Variants in CDH13 observed in about 807,000 individuals in gnomAD.
The protein encoded by CDH13 is cadherin 13.
A neutral mutation model predicts 63.8 loss-of-function variants in CDH13; 24 were observed. The ratio of observed to expected loss-of-function variants is 0.38; its 90% confidence interval spans 0.27 to 0.53. CDH13 has a LOEUF of 0.53. Among genes scored for constraint, CDH13 ranks in the 20% least tolerant of loss-of-function variants. The pLI is 0.85. For synonymous variants in CDH13, 503 were observed against 355.3 expected (o/e 1.42, Z -4.67); for missense variants, 1,049 against 903.1 (o/e 1.16, Z -2.07).
intron 11 of CDH13, among the ~76,000 whole-genome samples, chr16:83,751,703 G>A (rs1913101022): frequency 6.6e-6 from 1 of 152,174 alleles, no homozygotes; most frequent in African/African-American, 2.4e-5. Flanking sequence ...GGACCAGAGG[G>A]GAAGAACCTA....
chr16:83,064,366 C>CA (rs1397491474), intron 3 of CDH13, among the ~76,000 whole-genome samples: 2 of 151,062 alleles, frequency 1.3e-5, no homozygotes, highest in East Asian at 1.9e-4. Context: ...GAGACTGTCT[C>CA]AAAAAAAAGA....
intron 13 of CDH13, among the ~76,000 whole-genome samples, chr16:83,790,603 C>G (rs556382523): frequency 6.6e-6 from 1 of 152,052 alleles, no homozygotes; most frequent in Non-Finnish European, 1.5e-5. Context: ...TGGGGTTTCA[C>G]CGTGTTAGCC....
chr16:83,504,148 G>T (rs74034228), intron 7 of CDH13, among the ~76,000 whole-genome samples: 279 of 152,266 alleles, frequency 1.8e-3, no homozygotes, highest in African/African-American at 6.3e-3. Context: ...AAAGATGCCC[G>T]TTCCTCTGAA....
At chr16:82,654,276 G>A (rs2150912744) in intron 1 of CDH13, among the ~76,000 whole-genome samples, 1 of 152,212 alleles carries the variant, frequency 6.6e-6, no homozygotes, top group Admixed American at 6.5e-5. Context: ...CTTACATGGT[G>A]GTCTTGGTTT....
intron 10 of CDH13, among the ~76,000 whole-genome samples, chr16:83,732,006 T>C (rs1338021424): frequency 1.3e-5 from 2 of 152,230 alleles, no homozygotes; most frequent in Non-Finnish European, 2.9e-5. Flanking sequence ...TCTTCATACA[T>C]CCAACCTAAA....
intron 6 of CDH13, among the ~76,000 whole-genome samples, chr16:83,445,542 G>A (rs12446118): frequency 0.18 from 26,721 of 151,988 alleles, 2,410 homozygotes; most frequent in Admixed American, 0.25. Flanking sequence ...CCACAGCTGC[G>A]TTAGTATTCC....
At chr16:83,197,271 G>GTA (rs71148817) in intron 4 of CDH13, among the ~76,000 whole-genome samples, 12,825 of 147,842 alleles carry the variant, frequency 0.087, 1,320 homozygotes, top group African/African-American at 0.26. Context: ...TGTATCATAG[G>GTA]TATATATATA....
intron 7 of CDH13, among the ~76,000 whole-genome samples, chr16:83,539,282 G>A (rs1391850811): frequency 2.6e-5 from 4 of 152,054 alleles, no homozygotes; most frequent in Non-Finnish European, 5.9e-5. Context: ...TCCCTCACAC[G>A]TGCAGTTCAC....
intron 3 of CDH13, among the ~76,000 whole-genome samples, chr16:83,056,802 C>G (rs1427346554): frequency 6.6e-6 from 1 of 151,818 alleles, no homozygotes; most frequent in Admixed American, 6.6e-5. Flanking sequence ...GTGAATAAGT[C>G]TCACGAGATT....
chr16:83,291,973 G>C (rs780657439), intron 5 of CDH13, among the ~76,000 whole-genome samples: 6 of 152,058 alleles, frequency 3.9e-5, no homozygotes, highest in African/African-American at 7.2e-5. Flanking sequence ...TGCTCCCAAT[G>C]GTCATGAGTT....
chr16:83,344,481 T>G (rs1042977108), intron 5 of CDH13, among the ~76,000 whole-genome samples: 11 of 152,254 alleles, frequency 7.2e-5, no homozygotes, highest in African/African-American at 2.2e-4. Context: ...GGTTCATAAC[T>G]GCTTAGTCAA....
intron 7 of CDH13, among the ~76,000 whole-genome samples, chr16:83,561,203 T>C (rs1337809096): frequency 1.3e-5 from 2 of 151,836 alleles, no homozygotes; most frequent in African/African-American, 4.8e-5. Flanking sequence ...TCCCAGCACT[T>C]TGGGAGGCTG....
intron 5 of CDH13, among the ~76,000 whole-genome samples, chr16:83,325,531 C>A (rs1452675335): frequency 6.6e-6 from 1 of 152,196 alleles, no homozygotes; most frequent in African/African-American, 2.4e-5. Flanking sequence ...TTCTGCTTTT[C>A]TAGCACGAGA....
intron 6 of CDH13, among the ~76,000 whole-genome samples, chr16:83,359,151 A>C (rs758009231): frequency 2.6e-5 from 4 of 152,144 alleles, no homozygotes; most frequent in African/African-American, 4.8e-5. Context: ...AGGGAGATCA[A>C]TGTATTCTGA....
chr16:83,784,249 A>C (rs953105393), intron 13 of CDH13, among the ~76,000 whole-genome samples: 2 of 152,204 alleles, frequency 1.3e-5, no homozygotes, highest in Non-Finnish European at 2.9e-5. Context: ...TCCTACTGAC[A>C]GTGGTGAGCT....
intron 1 of CDH13, among the ~76,000 whole-genome samples, chr16:82,783,194 C>T (rs1010746813): frequency 6.6e-6 from 1 of 152,190 alleles, no homozygotes; most frequent in Admixed American, 6.5e-5. Context: ...TACTCATAGC[C>T]AGACCTGCTC....
intron 2 of CDH13, among the ~76,000 whole-genome samples, chr16:83,026,465 C>A (rs560346745): frequency 6.6e-6 from 1 of 151,954 alleles, no homozygotes; most frequent in South Asian, 2.1e-4. Flanking sequence ...GCTATATTTC[C>A]CCCACAGGGG....
At chr16:83,789,260 G>A (rs928547540) in intron 13 of CDH13, among the ~76,000 whole-genome samples, 1 of 151,922 alleles carries the variant, frequency 6.6e-6, no homozygotes, top group Non-Finnish European at 1.5e-5. Flanking sequence ...AGGCTGCACA[G>A]AAGTGAGCTT....
At chr16:83,444,825 T>A (rs1294359926) in intron 6 of CDH13, among the ~76,000 whole-genome samples, 1 of 172 alleles carries the variant, frequency 5.8e-3, no homozygotes, top group Non-Finnish European at 0.062. Context: ...TGGTTTTGCC[T>A]GAAGGTATAA....
Sources: gnomAD v4.1 joint callset for allele counts (sites outside exome capture counted in the v4.1 genomes callset) on GRCh38, gnomAD v4.1.1 for gene constraint, MANE v1.5 for transcripts, NCBI Gene and HGNC (gene_info 2026-07-23, HGNC 2026-07-21) for gene names.